Variants in BABAM2 observed in about 807,000 individuals in gnomAD.
BABAM2 encodes BRISC and BRCA1 A complex member 2.
Under a neutral mutation model 54.7 loss-of-function variants are expected in BABAM2, and 31 were observed. That is an observed-to-expected ratio of 0.57 (90% CI 0.43 to 0.77). BABAM2 has a LOEUF of 0.77. Ranked by LOEUF, BABAM2 falls within the 30% of genes least tolerant of loss-of-function variation. BABAM2 has a pLI of 0.00. For synonymous variants in BABAM2, 167 were observed against 162.9 expected, an observed-to-expected ratio of 1.03 and a Z score of -0.19; for missense variants, 364 against 455.8, an observed-to-expected ratio of 0.80 and a Z score of 1.83.
intron 10 of BABAM2, among the ~76,000 whole-genome samples, chr2:28,270,213 C>T (rs1292347957): frequency 1.3e-5 from 2 of 152,046 alleles, no homozygotes; most frequent in African/African-American, 2.4e-5. Context: ...CCTCAAACTC[C>T]TAGACTCAAG....
chr2:28,295,056 A>C (rs555901511), intron 10 of BABAM2, among the ~76,000 whole-genome samples: 1 of 152,336 alleles, frequency 6.6e-6, no homozygotes, highest in East Asian at 1.9e-4. Flanking sequence ...GCCCAGGTAG[A>C]TACATTTCCT....
At position 28,338,538 on chromosome 2, in the gene BABAM2, C is replaced by T; in HGVS notation, c.*25C>T. 1 of 1,612,842 alleles carries T rather than the reference C, an allele frequency of 6.2e-7. No homozygotes were observed. The highest frequency in any genetic ancestry group is 1.7e-5 in the Admixed American group (1 of 60,012). On this transcript the variant is annotated 3_prime_UTR_variant, in exon 12 of 12. Transcript: ENST00000379624. ...GGAAACACCAGTCTTGAGAGGTGGC[C>T]AGCCAGACTGCCTGTCCACATGCGT...
Position 28,295,716 on chromosome 2 carries a change from C to T in BABAM2, c.935-2622C>T, listed in dbSNP as rs9677445. 5.3e-5 allele frequency among the ~76,000 whole-genome samples: 8 copies of T among 152,090 alleles called. 1 individual carries two copies. In the East Asian group the frequency reaches 1.6e-3, roughly 30 times the overall value. ...TTCACCATGTTGGCCGGGCTGGTCT[C>T]GAACTCCTCACCTCAGGTAATCTGC... is the stretch of plus-strand genomic sequence containing the variant. On this transcript the variant is annotated intron_variant, in intron 10 of 11. Coordinates refer to ENST00000379624, the MANE Select transcript of BABAM2 (RefSeq NM_199191.3).
chr2:28,045,737 T>A lies in BABAM2; in HGVS notation c.508T>A (p.Ser170Thr), dbSNP rs1677506756. The A allele has an allele frequency of 6.2e-7, 1 of 1,611,052 alleles. No homozygotes were observed. Among genetic ancestry groups the A allele is most frequent in the African/African-American group, 1.3e-5 (1 of 74,908 alleles). ...GKKNNWTGEF[S>T]ARFLLKLPVD... ...TTTCTTTTTACAGACTGGTGAATTTTCAGCTCGTTTCCTTTTGAAGCTGCC... is the reference window on the plus strand; with the variant it reads ...TTTCTTTTTACAGACTGGTGAATTTACAGCTCGTTTCCTTTTGAAGCTGCC... Residue 170 changes from serine (S) to threonine (T), a missense_variant, in exon 6 of 12, where the codon TCA becomes ACA. By Grantham distance (58) the Ser-to-Thr change is moderately conservative. Transcript: ENST00000379624.
intron 6 of BABAM2, among the ~76,000 whole-genome samples, chr2:28,079,567 C>T (rs1268770744): frequency 1.3e-5 from 2 of 152,008 alleles, no homozygotes; most frequent in Admixed American, 6.6e-5. Flanking sequence ...CATATTATTT[C>T]ACTGTTCAAA....
intron 6 of BABAM2, among the ~76,000 whole-genome samples, chr2:28,083,875 A>C (rs1321914599): frequency 6.6e-6 from 1 of 152,184 alleles, no homozygotes; most frequent in Non-Finnish European, 1.5e-5. Flanking sequence ...TGTGTTAAGT[A>C]GGTAGTAAGG....
At chr2:28,060,946 T>G (rs1678810539) in intron 6 of BABAM2, among the ~76,000 whole-genome samples, 1 of 152,204 alleles carries the variant, frequency 6.6e-6, no homozygotes, top group African/African-American at 2.4e-5. Context: ...AGTTGAAATC[T>G]CAGCAGAAAT....
chr2:27,956,244 G>A (rs1035458089), intron 3 of BABAM2, among the ~76,000 whole-genome samples: 1 of 152,112 alleles, frequency 6.6e-6, no homozygotes, highest in East Asian at 1.9e-4. Context: ...TGAAGGGAAA[G>A]GAAAGATAAG....
intron 3 of BABAM2, among the ~76,000 whole-genome samples, chr2:27,978,236 A>G (rs1332284033): frequency 6.6e-6 from 1 of 151,588 alleles, no homozygotes; most frequent in Non-Finnish European, 1.5e-5. Flanking sequence ...AGAGCGTGGC[A>G]CCTCCTCTTG....
intron 5 of BABAM2, among the ~76,000 whole-genome samples, chr2:28,034,681 C>T (rs1676537861): frequency 6.6e-6 from 1 of 152,070 alleles, no homozygotes; most frequent in Non-Finnish European, 1.5e-5. Flanking sequence ...GATGGGAAAA[C>T]AGATTTCAGA....
intron 3 of BABAM2, among the ~76,000 whole-genome samples, chr2:27,956,268 T>C (rs1027781207): frequency 6.6e-6 from 1 of 152,152 alleles, no homozygotes; most frequent in Admixed American, 6.5e-5. Context: ...TGCTGCTTTA[T>C]AGAAAAATAG....
chr2:28,228,664 A>T (rs1041113460), intron 7 of BABAM2, among the ~76,000 whole-genome samples: 3 of 152,212 alleles, frequency 2.0e-5, no homozygotes, highest in African/African-American at 4.8e-5. Flanking sequence ...AAGAGAAAAA[A>T]AAAACTTTTC....
At chr2:27,896,000 T>A (rs1240989994) in intron 2 of BABAM2, 2 of 152,166 alleles carry the variant, frequency 1.3e-5, no homozygotes, top group Admixed American at 1.3e-4. Flanking sequence ...GGCTTTTGGG[T>A]CCTTTTGACA....
intron 6 of BABAM2, among the ~76,000 whole-genome samples, chr2:28,079,436 T>A (rs1664970924): frequency 6.6e-6 from 1 of 152,196 alleles, no homozygotes; most frequent in Non-Finnish European, 1.5e-5. Context: ...GTTTTCTTTT[T>A]GTTGTAGTAC....
chr2:28,240,775 G>A (rs890735607), intron 8 of BABAM2, among the ~76,000 whole-genome samples: 1 of 151,372 alleles, frequency 6.6e-6, no homozygotes, highest in Non-Finnish European at 1.5e-5. Context: ...GAGGCTGAGG[G>A]AGGAGAATCA....
rs546594231 is a variant in BABAM2 at position 28,261,630 on chromosome 2, G to T, written c.934+16768G>T. On this transcript the variant is annotated intron_variant, in intron 10 of 11. Transcript: ENST00000379624. Reference sequence around the variant, plus strand: ...TGGGATTACAGGCGTGAGCCACCGCGCCCGGCCAATTACTTAGAATTTTTA... The same window carrying T: ...TGGGATTACAGGCGTGAGCCACCGCTCCCGGCCAATTACTTAGAATTTTTA... 2.6e-5 allele frequency among the ~76,000 whole-genome samples: 4 copies of T among 152,138 alleles called. No homozygotes were observed. In the South Asian group the frequency reaches 8.3e-4, roughly 32 times the overall value.
chr2:28,310,246 T>C, intron 11 of BABAM2: 1 of 1,275,024 alleles, frequency 7.8e-7, no homozygotes, highest in Non-Finnish European at 1.1e-6. Flanking sequence ...TTACTGCCAA[T>C]ACAGCCCTCA....
chr2:27,945,070 C>T (rs1669197485), intron 3 of BABAM2, among the ~76,000 whole-genome samples: 1 of 151,802 alleles, frequency 6.6e-6, no homozygotes, highest in East Asian at 1.9e-4. Context: ...AGTGTAGTGG[C>T]ACAATCATAG....
intron 6 of BABAM2, among the ~76,000 whole-genome samples, chr2:28,123,107 T>C (rs1669217346): frequency 6.6e-6 from 1 of 152,236 alleles, no homozygotes; most frequent in Non-Finnish European, 1.5e-5. Context: ...CTCATTCTTT[T>C]AGTTATCTCT....
Sources: allele counts gnomAD v4.1 joint callset (sites outside exome capture counted in the v4.1 genomes callset), GRCh38; gene constraint gnomAD v4.1.1; transcripts MANE v1.5; gene names NCBI Gene and HGNC (gene_info 2026-07-23, HGNC 2026-07-21).